EYS: variants seen among roughly 807,000 people sequenced by gnomAD.
EYS encodes EGF-like photoreceptor maintenance factor.
In EYS, 250 loss-of-function variants were observed where a neutral mutation model predicts 282.1. The ratio of observed to expected loss-of-function variants is 0.89; its 90% CI spans 0.80 to 0.98. The LOEUF is 0.98. Among genes scored for constraint, EYS ranks in the 50% least tolerant of loss-of-function variants. EYS has a pLI of 0.00. For missense variants in EYS, 4,016 were observed against 3,709.0 expected, an observed-to-expected ratio of 1.08 and a Z score of -2.15; for synonymous variants, 1,355 against 1,282.9, an observed-to-expected ratio of 1.06 and a Z score of -1.20.
At chr6:63,847,246 C>T (rs561571117) in intron 36 of EYS, among the ~76,000 whole-genome samples, 5 of 152,162 alleles carry the variant, frequency 3.3e-5, no homozygotes, top group East Asian at 1.9e-4. Flanking sequence ...CAAAGGAAGG[C>T]GTGTGGAACA....
At position 63,726,687 on chromosome 6, in the gene EYS, G is replaced by A; in HGVS notation, c.8072-7C>T. The A allele has an allele frequency of 6.5e-7, 1 of 1,549,476 alleles. No homozygotes were observed. Among genetic ancestry groups the A allele is most frequent in the African/African-American group, 1.4e-5 (1 of 73,098 alleles). On this transcript the variant is annotated splice_region_variant and splice_polypyrimidine_tract_variant and intron_variant, in intron 41 of 42. Coordinates refer to ENST00000503581, the MANE Select transcript of EYS (RefSeq NM_001142800.2). ...GGATCACTTATGGATAAAGCTGAGG[G>A]AAGGAGAGAAAGAGAACTCTGGGAG...
At chr6:65,509,498 C>T (rs1196720413) in intron 2 of EYS, among the ~76,000 whole-genome samples, 1 of 152,000 alleles carries the variant, frequency 6.6e-6, no homozygotes, top group Non-Finnish European at 1.5e-5. Flanking sequence ...TTGTTTGCCA[C>T]CTTCATATCT....
chr6:65,193,627 TTTA>T lies in EYS; in HGVS notation c.2023+102233_2023+102235del, dbSNP rs144204507. On this transcript the variant is annotated intron_variant, in intron 12 of 42. Transcript: ENST00000503581. The stretch of plus-strand genomic sequence containing the variant: ...CCATTCATTTATTGTTCAACAAATA[TTTA>T]TTGAGTGCCTACATCAGGCACTGTT... Among the ~76,000 whole-genome samples the T allele has an allele frequency of 3.0e-3, 451 of 151,798 alleles. 1 individual carries two copies. Among genetic ancestry groups the T allele is most frequent in the Middle Eastern group, 0.014 (4 of 294 alleles).
intron 26 of EYS, among the ~76,000 whole-genome samples, chr6:64,456,570 T>C (rs1490668892): frequency 6.6e-6 from 1 of 152,070 alleles, no homozygotes; most frequent in Non-Finnish European, 1.5e-5. Context: ...ATAAGAACAC[T>C]AGATATTAGA....
Position 65,030,506 on chromosome 6 carries a change from C to T in EYS, c.2137+27108G>A, listed in dbSNP as rs146087900. 5.3e-4 allele frequency among the ~76,000 whole-genome samples: 80 copies of T among 152,276 alleles called. 1 individual carries two copies. The highest frequency in any genetic ancestry group is 1.9e-3 in the African/African-American group (80 of 41,568). ...CAGAACTCACTGCATCCCCTGAGCA[C>T]CCTGTCCACATGCATGTACTCCACT... On this transcript the variant is annotated intron_variant, in intron 13 of 42. Transcript: ENST00000503581.
rs549076700 is a variant in EYS, at chr6:64,661,082, A to G, written c.3444-34837T>C. On this transcript the variant is annotated intron_variant, in intron 22 of 42. Coordinates refer to ENST00000503581, the MANE Select transcript of EYS (RefSeq NM_001142800.2). ...GAACAGAGCCCTCAGAAATAATGCC[A>G]CATATCTACAACCATCTGATCTTTG... is the stretch of plus-strand genomic sequence containing the variant. Among the ~76,000 whole-genome samples, 404 of 152,260 alleles carry G rather than the reference A, an allele frequency of 2.7e-3. 2 individuals carry two copies. The highest frequency in any genetic ancestry group is 9.3e-3 in the African/African-American group (385 of 41,540).
chr6:63,791,934 G>A (rs897267597), intron 37 of EYS, among the ~76,000 whole-genome samples: 1 of 152,076 alleles, frequency 6.6e-6, no homozygotes, highest in African/African-American at 2.4e-5. Context: ...AGAGGGGTCA[G>A]AAAAATGGGA....
At chr6:65,166,051 T>C (rs1764964223) in intron 12 of EYS, among the ~76,000 whole-genome samples, 1 of 151,192 alleles carries the variant, frequency 6.6e-6, no homozygotes, top group Non-Finnish European at 1.5e-5. Flanking sequence ...AAGAGCTATA[T>C]ACTGTAAACT....
intron 26 of EYS, among the ~76,000 whole-genome samples, chr6:64,447,265 A>G (rs1029052768): frequency 6.6e-6 from 1 of 152,098 alleles, no homozygotes; most frequent in African/African-American, 2.4e-5. Flanking sequence ...TGCATATTTA[A>G]TACTTTAAAT....
chr6:64,706,329 A>C (rs1445495822), intron 22 of EYS, among the ~76,000 whole-genome samples: 2 of 152,150 alleles, frequency 1.3e-5, no homozygotes, highest in Non-Finnish European at 2.9e-5. Context: ...CTCAAGATAA[A>C]GGACTTTAAG....
At chr6:65,636,960 C>T (rs1767108402) in intron 2 of EYS, among the ~76,000 whole-genome samples, 1 of 152,134 alleles carries the variant, frequency 6.6e-6, no homozygotes, top group Admixed American at 6.5e-5. Flanking sequence ...TACCAGTTTA[C>T]ACCACCACAG....
intron 12 of EYS, among the ~76,000 whole-genome samples, chr6:65,275,728 T>C (rs962151829): frequency 1.3e-5 from 2 of 152,112 alleles, no homozygotes; most frequent in African/African-American, 4.8e-5. Flanking sequence ...GGAAAGAAGT[T>C]TGTAGATAGA....
intron 26 of EYS, among the ~76,000 whole-genome samples, chr6:64,534,818 C>A (rs953421120): frequency 4.7e-5 from 7 of 150,392 alleles, no homozygotes; most frequent in African/African-American, 1.7e-4. Context: ...TTCCAATGGA[C>A]AATCATCAGG....
intron 22 of EYS, among the ~76,000 whole-genome samples, chr6:64,796,941 C>T (rs545669229): frequency 2.3e-4 from 35 of 152,008 alleles, no homozygotes; most frequent in Admixed American, 8.5e-4. Flanking sequence ...TATTTTTCTC[C>T]GGCGGGTGGT....
chr6:64,807,019 A>G (rs188058673), intron 22 of EYS, among the ~76,000 whole-genome samples: 12 of 152,228 alleles, frequency 7.9e-5, no homozygotes, highest in African/African-American at 2.6e-4. Flanking sequence ...CATAGCTTTT[A>G]CAGGTTAATA....
intron 22 of EYS, among the ~76,000 whole-genome samples, chr6:64,795,591 G>A (rs140464751): frequency 4.6e-5 from 7 of 152,244 alleles, no homozygotes; most frequent in Admixed American, 3.3e-4. Context: ...TCCAGGATTG[G>A]CATCAAACTT....
At chr6:65,472,872 T>C (rs1181055390) in intron 5 of EYS, among the ~76,000 whole-genome samples, 7 of 151,976 alleles carry the variant, frequency 4.6e-5, no homozygotes, top group Non-Finnish European at 1.5e-5. Context: ...TTTTTTTTAA[T>C]AATATGCTCT....
At chr6:65,694,580 A>C (rs140626533) in intron 1 of EYS, among the ~76,000 whole-genome samples, 3 of 150,208 alleles carry the variant, frequency 2.0e-5, no homozygotes, top group African/African-American at 7.3e-5. Flanking sequence ...TCAGGTAACT[A>C]AAACTATAAA....
chr6:64,660,980 T>G (rs1307175181), intron 22 of EYS, among the ~76,000 whole-genome samples: 3 of 152,118 alleles, frequency 2.0e-5, no homozygotes, highest in East Asian at 3.9e-4. Flanking sequence ...CTACCTGACT[T>G]CAAACTATAC....
Sources: allele counts gnomAD v4.1 joint callset (sites outside exome capture counted in the v4.1 genomes callset), GRCh38; gene constraint gnomAD v4.1.1; transcripts MANE v1.5; gene names NCBI Gene and HGNC (gene_info 2026-07-23, HGNC 2026-07-21).